The following CTNNA2 variants were observed in gnomAD, a reference collection of about 807,000 sequenced individuals.
The protein encoded by CTNNA2 is catenin alpha 2, also known as catenin alpha-2.
Under a neutral mutation model 101.0 loss-of-function variants are expected in CTNNA2, and 42 were observed. The observed-to-expected ratio is 0.42, with a 90% CI of 0.32 to 0.54. The LOEUF (loss-of-function observed/expected upper bound fraction) is 0.54. Among genes scored for constraint, CTNNA2 ranks in the 20% least tolerant of loss-of-function variants. The pLI, the probability that CTNNA2 is intolerant of heterozygous loss-of-function variation, is 0.14. For missense variants in CTNNA2, 871 were observed against 1,223.1 expected (o/e 0.71, Z 4.29); for synonymous variants, 450 against 456.4 (o/e 0.99, Z 0.18).
intron 4 of CTNNA2, among the ~76,000 whole-genome samples, chr2:79,413,337 T>C (rs1678438902): frequency 6.6e-6 from 1 of 152,018 alleles, no homozygotes; most frequent in African/African-American, 2.4e-5. Context: ...CTTATTTAAC[T>C]TAATGTAATG....
At chr2:79,493,553 T>C (rs1573191549) in intron 4 of CTNNA2, among the ~76,000 whole-genome samples, 1 of 152,114 alleles carries the variant, frequency 6.6e-6, no homozygotes, top group East Asian at 1.9e-4. Flanking sequence ...GAGGCGGAGG[T>C]TGCAGTGAGC....
intron 1 of CTNNA2, among the ~76,000 whole-genome samples, chr2:79,607,611 A>G (rs1677980767): frequency 6.6e-6 from 1 of 152,124 alleles, no homozygotes. Context: ...AGAAATCAAT[A>G]ACAAATCTGG....
chr2:79,385,764 A>G (rs766421931), intron 4 of CTNNA2, among the ~76,000 whole-genome samples: 4 of 151,804 alleles, frequency 2.6e-5, no homozygotes, highest in Non-Finnish European at 4.4e-5. Flanking sequence ...ACTCCCACCT[A>G]TGAGTGAGAA....
At chr2:79,667,193 A>G (rs10175800) in intron 2 of CTNNA2, among the ~76,000 whole-genome samples, 33,620 of 152,186 alleles carry the variant, frequency 0.22, 4,022 homozygotes, top group Admixed American at 0.27. Flanking sequence ...CTGATTTACA[A>G]TAGAGCAGCG....
rs540418452 is a variant in CTNNA2, at chr2:79,346,210, G to A, written c.-317-27621G>A. On this transcript the variant is annotated intron_variant, in intron 3 of 21. Coordinates refer to the CTNNA2 transcript ENST00000466387. ...TTATGTTTTGTCTCTGGCCTGCTCC[G>A]CTAAGCATTGAGGGAACAGGAATGA... Among the ~76,000 whole-genome samples the A allele has an allele frequency of 2.4e-3, 368 of 152,194 alleles. 1 individual carries two copies. The highest frequency in any genetic ancestry group is 8.2e-3 in the African/African-American group (340 of 41,514).
chr2:79,977,221 T>TGC (rs201194088), intron 7 of CTNNA2, among the ~76,000 whole-genome samples: 47 of 88,270 alleles, frequency 5.3e-4, no homozygotes, highest in Non-Finnish European at 7.5e-4. Flanking sequence ...TGCATATGCA[T>TGC]GCACACACAC....
chr2:80,076,258 AC>A (rs1698739839), intron 7 of CTNNA2, among the ~76,000 whole-genome samples: 1 of 149,382 alleles, frequency 6.7e-6, no homozygotes, highest in African/African-American at 2.5e-5. Flanking sequence ...TTACCTACAG[AC>A]TTTTTGCATC....
intron 2 of CTNNA2, among the ~76,000 whole-genome samples, chr2:79,691,201 A>T (rs1684272673): frequency 6.6e-6 from 1 of 152,038 alleles, no homozygotes; most frequent in African/African-American, 2.4e-5. Context: ...TCATACAGTA[A>T]GTAGAAGTAA....
chr2:79,676,457 G>T (rs553037326), intron 2 of CTNNA2, among the ~76,000 whole-genome samples: 5 of 152,248 alleles, frequency 3.3e-5, no homozygotes, highest in African/African-American at 1.2e-4. Context: ...TTGGTTTCAG[G>T]GGTCTAGGGT....
At chr2:80,529,384 T>A (rs567434488) in intron 9 of CTNNA2, among the ~76,000 whole-genome samples, 1 of 151,508 alleles carries the variant, frequency 6.6e-6, no homozygotes, top group Admixed American at 6.5e-5. Context: ...AAAGTATATC[T>A]ATGTGTACAT....
At chr2:80,456,624 C>T (rs779143461) in intron 9 of CTNNA2, among the ~76,000 whole-genome samples, 11 of 152,188 alleles carry the variant, frequency 7.2e-5, no homozygotes, top group South Asian at 4.1e-4. Context: ...GGGCTCAAGG[C>T]TTCGTGCAAG....
chr2:79,925,959 G>T (rs986165719), intron 7 of CTNNA2, among the ~76,000 whole-genome samples: 2 of 151,904 alleles, frequency 1.3e-5, no homozygotes, highest in East Asian at 1.9e-4. Context: ...CGGCCAATCT[G>T]TGATAATACT....
intron 7 of CTNNA2, among the ~76,000 whole-genome samples, chr2:80,058,931 C>T (rs921955230): frequency 6.6e-6 from 1 of 152,184 alleles, no homozygotes; most frequent in Non-Finnish European, 1.5e-5. Context: ...TCCTGATTTA[C>T]ATGATATCTG....
chr2:80,210,792 G>C (rs969488174), intron 7 of CTNNA2, among the ~76,000 whole-genome samples: 9 of 152,148 alleles, frequency 5.9e-5, no homozygotes, highest in Admixed American at 2.6e-4. Context: ...AATCGCCACA[G>C]TGTCTTCCAC....
rs113000416 is a variant in CTNNA2 at position 80,161,286 on chromosome 2, G to A, written c.1057-231925G>A. Among the ~76,000 whole-genome samples the A allele has an allele frequency of 6.5e-3, 993 of 152,202 alleles. 13 individuals carry two copies. Among genetic ancestry groups the A allele is most frequent in the African/African-American group, 0.023 (957 of 41,532 alleles). Reference sequence around the variant, plus strand: ...CTGCCTCAGCCTCCCAAAGTGCTGGGATTACAGGCGTGAGCCCCCATGCAC... The same window carrying A: ...CTGCCTCAGCCTCCCAAAGTGCTGGAATTACAGGCGTGAGCCCCCATGCAC... On this transcript the variant is annotated intron_variant, in intron 7 of 18. Coordinates refer to ENST00000402739, the MANE Select transcript of CTNNA2 (RefSeq NM_001282597.3).
At chr2:80,071,229 T>G (rs1224793501) in intron 7 of CTNNA2, among the ~76,000 whole-genome samples, 1 of 152,302 alleles carries the variant, frequency 6.6e-6, no homozygotes, top group South Asian at 2.1e-4. Context: ...AGAAAAAAAG[T>G]TTTTGAAAAA....
intron 2 of CTNNA2, among the ~76,000 whole-genome samples, chr2:79,733,779 G>A (rs1462332989): frequency 1.3e-5 from 2 of 151,932 alleles, no homozygotes; most frequent in East Asian, 1.9e-4. Flanking sequence ...TCTCACCATC[G>A]ACTACTCCCT....
intron 7 of CTNNA2, among the ~76,000 whole-genome samples, chr2:80,093,311 A>G (rs1282524126): frequency 6.6e-6 from 1 of 152,136 alleles, no homozygotes; most frequent in Non-Finnish European, 1.5e-5. Flanking sequence ...AGCTTCATCC[A>G]TGTCCCTACA....
At chr2:79,445,047 A>C (rs920483454) in intron 4 of CTNNA2, among the ~76,000 whole-genome samples, 1 of 152,262 alleles carries the variant, frequency 6.6e-6, no homozygotes, top group Non-Finnish European at 1.5e-5. Context: ...CACTTTGCCA[A>C]ATAAAGGGAT....
Sources: gnomAD v4.1 joint callset for allele counts (sites outside exome capture counted in the v4.1 genomes callset) on GRCh38, gnomAD v4.1.1 for gene constraint, MANE v1.5 for transcripts, NCBI Gene and HGNC (gene_info 2026-07-23, HGNC 2026-07-21) for gene names.